ROCK2: variants seen among roughly 807,000 people sequenced by gnomAD.
ROCK2 encodes Rho associated coiled-coil containing protein kinase 2.
A neutral mutation model predicts 195.1 loss-of-function variants in ROCK2; 61 were observed. That is an observed-to-expected ratio of 0.31 (90% CI 0.25 to 0.39). The LOEUF is 0.39. Among genes scored for constraint, ROCK2 ranks in the 10% least tolerant of loss-of-function variants. The probability of loss-of-function intolerance (pLI) is 1.00; values close to 1 mark genes in which losing one functional copy is unlikely to be tolerated. For synonymous variants in ROCK2, 504 were observed against 545.5 expected (o/e 0.92, Z 1.06); for missense variants, 1,109 against 1,637.4 (o/e 0.68, Z 5.57).
At chr2:11,286,396 T>C (rs1022512970) in intron 3 of ROCK2, 143 bp downstream of exon 3, 9 of 574,356 alleles carry the variant, frequency 1.6e-5, no homozygotes, top group Non-Finnish European at 2.5e-5. Context: ...GGCTTCCTTT[T>C]ATAGATGAGG....
At position 11,197,796 on chromosome 2, in the gene ROCK2, A is replaced by G; in HGVS notation, c.3100-91T>C. The G allele has an allele frequency of 1.3e-6, 1 of 789,388 alleles. No individual in the cohort carries two copies. The highest frequency in any genetic ancestry group is 1.8e-6 in the Non-Finnish European group (1 of 555,426). 48.9% of individuals were successfully genotyped at this position (789,388 alleles called of 1,614,324 possible). A position where few individuals can be genotyped will look rare whatever the true frequency, so the allele number is the denominator to read the frequency against. Reference sequence around the variant, plus strand: ...TCTCATCAAGAGCAACAAGTTATACAATCACAAATACTCTCCTTCCCTACA... The same window carrying G: ...TCTCATCAAGAGCAACAAGTTATACGATCACAAATACTCTCCTTCCCTACA... On this transcript the variant is annotated intron_variant, in intron 25 of 32. Coordinates refer to ENST00000315872, the MANE Select transcript of ROCK2 (RefSeq NM_004850.5). This position sits in a 1 kb window ranked among gnomAD's most constrained non-coding sequence, Gnocchi z 4.9.
chr2:11,266,346 T>C (rs756569968), intron 3 of ROCK2, among the ~76,000 whole-genome samples: 36 of 152,346 alleles, frequency 2.4e-4, no homozygotes, highest in Non-Finnish European at 5.1e-4. Context: ...TTAAGACAGC[T>C]GACATTACTA....
chr2:11,288,025 T>C (rs904692923), intron 1 of ROCK2, among the ~76,000 whole-genome samples: 1 of 152,218 alleles, frequency 6.6e-6, no homozygotes, highest in East Asian at 1.9e-4. Context: ...TGTCTTCTTT[T>C]CTCTCTTCAA....
chr2:11,252,068 G>A (rs1665847536), intron 3 of ROCK2, among the ~76,000 whole-genome samples: 1 of 152,112 alleles, frequency 6.6e-6, no homozygotes, highest in African/African-American at 2.4e-5. Flanking sequence ...TGGTGGGAGC[G>A]TAAATTAGTT....
chr2:11,264,883 G>A (rs981523364), intron 3 of ROCK2, among the ~76,000 whole-genome samples: 1 of 152,154 alleles, frequency 6.6e-6, no homozygotes, highest in Non-Finnish European at 1.5e-5. Context: ...ATACTATACA[G>A]CCAATACAAG....
intron 1 of ROCK2, among the ~76,000 whole-genome samples, chr2:11,305,539 A>G (rs1418304456): frequency 6.6e-6 from 1 of 151,776 alleles, no homozygotes; most frequent in Non-Finnish European, 1.5e-5. Flanking sequence ...TACAATAGAT[A>G]CTCCCATAGC....
At position 11,287,707 on chromosome 2, in the gene ROCK2, T is replaced by G; in HGVS notation, c.171A>C (p.Leu57Phe). 1 of 1,329,336 alleles carries G rather than the reference T, an allele frequency of 7.5e-7. No individual in the cohort carries two copies. The highest frequency in any genetic ancestry group is 1.0e-6 in the Non-Finnish European group (1 of 994,254). The allele number at this position is 1,329,336 out of a possible 1,614,324, so 82.3% of individuals were successfully genotyped here. The change falls in exon 2 of 33, where the codon TTA becomes TTC. Residue 57 changes from leucine (L) to phenylalanine (F), a missense_variant. Around this residue, in one of 6 missense-constraint regions of ROCK2, gnomAD observed 253 missense variants for 455.5 expected, o/e 0.56. Coordinates refer to ENST00000315872, the MANE Select transcript of ROCK2 (RefSeq NM_004850.5). ...TGTTTTTCCTCAAAGCAGGAAAATC[T>G]AAATCAAGGACCAAGGAATTTAAGC... is the stretch of plus-strand genomic sequence containing the variant. ...LDGLNSLVLD[L>F]DFPALRKNKN...
chr2:11,343,882 G>T, intron 1 of ROCK2, 114 bp downstream of exon 1: 2 of 1,313,626 alleles, frequency 1.5e-6, no homozygotes, highest in Non-Finnish European at 2.0e-6. Flanking sequence ...GAAGCAGGGC[G>T]GGGTGGGGCA....
chr2:11,183,468 T>G, intron 32 of ROCK2, 28 bp from the exon 33 acceptor site: 5 of 1,535,948 alleles, frequency 3.3e-6, no homozygotes, highest in Non-Finnish European at 4.5e-6. Flanking sequence ...ATAAAGTTAG[T>G]TGATACAGTG....
intron 5 of ROCK2, among the ~76,000 whole-genome samples, chr2:11,232,102 G>C (rs1215170493): frequency 1.3e-5 from 2 of 151,548 alleles, no homozygotes; most frequent in Non-Finnish European, 2.9e-5. Flanking sequence ...CCTTCTGTAA[G>C]TGGATGAGAA....
intron 25 of ROCK2, 137 bp downstream of exon 25, chr2:11,198,354 A>C (rs1050645283): frequency 3.3e-6 from 2 of 602,768 alleles, no homozygotes; most frequent in Admixed American, 3.4e-5. Flanking sequence ...AACCTGGCAA[A>C]AATCAGGTAA....
chr2:11,308,350 T>C, intron 1 of ROCK2: 4 of 1,217,536 alleles, frequency 3.3e-6, no homozygotes, highest in Middle Eastern at 2.7e-4. Context: ...AATTCCCATT[T>C]GATGTTTAGC....
intron 8 of ROCK2, 24 bp from the exon 9 acceptor site, chr2:11,221,381 T>C: frequency 1.3e-6 from 2 of 1,507,126 alleles, no homozygotes; most frequent in Non-Finnish European, 1.8e-6. Context: ...AGAAATAAAT[T>C]ATTTCATTCA....
chr2:11,303,418 C>G (rs1667765024), intron 1 of ROCK2, among the ~76,000 whole-genome samples: 1 of 152,142 alleles, frequency 6.6e-6, no homozygotes, highest in African/African-American at 2.4e-5. Context: ...ACACATTTTA[C>G]TTTCTTTCCT....
chr2:11,269,221 CT>C (rs1208613588), intron 3 of ROCK2, among the ~76,000 whole-genome samples: 1 of 152,070 alleles, frequency 6.6e-6, no homozygotes, highest in African/African-American at 2.4e-5. Context: ...GTTTTAAAGT[CT>C]TTGTTTTGGC....
At chr2:11,211,340 G>A (rs760579439) in intron 18 of ROCK2, among the ~76,000 whole-genome samples, 3 of 152,040 alleles carry the variant, frequency 2.0e-5, no homozygotes, top group Non-Finnish European at 2.9e-5. Flanking sequence ...GGTATACAGC[G>A]TGTGAAGTTC....
chr2:11,252,638 CATGTCCTCTGCAGGGACATGG>C lies in ROCK2; in HGVS notation c.325-2861_325-2841del, dbSNP rs541367708. Reference sequence around the variant, plus strand: ...ATGCAGCCATAAAAAAGGATGAGTTCATGTCCTCTGCAGGGACATGGATGAAGCTGGAAACCATCACTCTCA... The same window carrying C: ...ATGCAGCCATAAAAAAGGATGAGTTCATGAAGCTGGAAACCATCACTCTCA... On this transcript the variant is annotated intron_variant, in intron 3 of 32. Transcript: ENST00000315872. Among the ~76,000 whole-genome samples, 40 of 152,232 alleles carry C rather than the reference CATGTCCTCTGCAGGGACATGG, an allele frequency of 2.6e-4. No individual in the cohort carries two copies. The East Asian group carries it at 7.7e-3, about 29-fold the overall frequency.
At chr2:11,229,960 C>A (rs11884214) in intron 5 of ROCK2, among the ~76,000 whole-genome samples, 11,568 of 152,058 alleles carry the variant, frequency 0.076, 660 homozygotes, top group African/African-American at 0.16. Context: ...AAGAATAAAC[C>A]CAGTGGTGCT....
chr2:11,234,645 G>A (rs1558314238), intron 5 of ROCK2: 1 of 152,072 alleles, frequency 6.6e-6, no homozygotes, highest in Non-Finnish European at 1.5e-5. Flanking sequence ...TAGCTGGATA[G>A]ATTAAGATAG....
Sources: allele counts gnomAD v4.1 joint callset (sites outside exome capture counted in the v4.1 genomes callset), GRCh38; gene constraint gnomAD v4.1.1; regional missense constraint gnomAD v4.1.1; non-coding constraint Gnocchi (gnomAD v3.1); transcripts MANE v1.5; gene names NCBI Gene and HGNC (gene_info 2026-07-23, HGNC 2026-07-21).